ATRNL1: variants seen among roughly 807,000 people sequenced by gnomAD.
ATRNL1 encodes attractin-like protein 1.
ATRNL1 carries 95 observed loss-of-function variants against 182.7 expected under a neutral mutation model. The observed-to-expected ratio is 0.52, with a 90% CI of 0.44 to 0.62. The LOEUF (loss-of-function observed/expected upper bound fraction) is 0.62, where lower values mean the gene tolerates loss of function less well. ATRNL1 is among the 20% of genes least tolerant of loss of function. The pLI, the probability that ATRNL1 is intolerant of heterozygous loss-of-function variation, is 0.00. For synonymous variants in ATRNL1, 576 were observed against 568.3 expected (o/e 1.01, Z -0.19); for missense variants, 1,471 against 1,679.5 (o/e 0.88, Z 2.17).
At chr10:115,177,149 G>A (rs1373058268) in intron 8 of ATRNL1, among the ~76,000 whole-genome samples, 1 of 152,112 alleles carries the variant, frequency 6.6e-6, no homozygotes, top group Non-Finnish European at 1.5e-5. Context: ...AGTAATCAAC[G>A]GAGCCACATT....
intron 26 of ATRNL1, among the ~76,000 whole-genome samples, chr10:115,643,577 G>A (rs553284450): frequency 6.6e-6 from 1 of 152,032 alleles, no homozygotes; most frequent in African/African-American, 2.4e-5. Flanking sequence ...AATATATAAA[G>A]GATTCTCAAA....
At chr10:115,228,353 T>C (rs1849782386) in intron 9 of ATRNL1, among the ~76,000 whole-genome samples, 1 of 152,194 alleles carries the variant, frequency 6.6e-6, no homozygotes. Context: ...ATGTTTTTGG[T>C]ATATTTTGCT....
At chr10:115,266,478 G>A (rs1474186769) in intron 11 of ATRNL1, among the ~76,000 whole-genome samples, 2 of 151,320 alleles carry the variant, frequency 1.3e-5, no homozygotes, top group African/African-American at 4.8e-5. Flanking sequence ...AAGGAATATT[G>A]TATATAATCA....
intron 17 of ATRNL1, among the ~76,000 whole-genome samples, chr10:115,308,625 A>C (rs532934468): frequency 6.6e-5 from 10 of 152,294 alleles, no homozygotes; most frequent in African/African-American, 2.4e-4. Context: ...AAAGCCAAAA[A>C]TAAATAAACA....
chr10:115,821,736 A>G (rs111807398), intron 27 of ATRNL1, among the ~76,000 whole-genome samples: 23,846 of 152,242 alleles, frequency 0.16, 2,130 homozygotes, highest in Non-Finnish European at 0.2. Context: ...AGAGCTAACT[A>G]TCCTAAATAT....
At chr10:115,943,646 C>G (rs1020663010) in intron 28 of ATRNL1, among the ~76,000 whole-genome samples, 1 of 150,224 alleles carries the variant, frequency 6.7e-6, no homozygotes, top group Non-Finnish European at 1.5e-5. Flanking sequence ...AAAACATAAG[C>G]TTACCATATT....
At chr10:115,630,730 A>G (rs1171875013) in intron 26 of ATRNL1, among the ~76,000 whole-genome samples, 1 of 147,416 alleles carries the variant, frequency 6.8e-6, no homozygotes, top group African/African-American at 2.5e-5. Context: ...TTTAATAGAT[A>G]TCATATATCT....
At chr10:115,205,058 T>A (rs1334230883) in intron 8 of ATRNL1, among the ~76,000 whole-genome samples, 1 of 152,082 alleles carries the variant, frequency 6.6e-6, no homozygotes, top group African/African-American at 2.4e-5. Context: ...CCTCACATTT[T>A]ATGTTTTTGG....
chr10:115,574,669 T>C (rs1237608173), intron 26 of ATRNL1, among the ~76,000 whole-genome samples: 2 of 152,228 alleles, frequency 1.3e-5, no homozygotes, highest in Non-Finnish European at 2.9e-5. Context: ...TGCTCCTTAG[T>C]TGATTTCTGC....
chr10:115,866,867 G>T (rs979174840), intron 28 of ATRNL1, among the ~76,000 whole-genome samples: 1 of 152,096 alleles, frequency 6.6e-6, no homozygotes, highest in African/African-American at 2.4e-5. Flanking sequence ...AGGCTTCACC[G>T]CTGCTGATGC....
At chr10:115,155,544 A>G (rs931417325) in intron 5 of ATRNL1, among the ~76,000 whole-genome samples, 1 of 152,188 alleles carries the variant, frequency 6.6e-6, no homozygotes, top group East Asian at 1.9e-4. Flanking sequence ...TTTCACAGCT[A>G]GTAAGTAGGA....
intron 27 of ATRNL1, among the ~76,000 whole-genome samples, chr10:115,843,934 C>A (rs1950869408): frequency 6.6e-6 from 1 of 152,066 alleles, no homozygotes; most frequent in South Asian, 2.1e-4. Context: ...ATTAGGTCTA[C>A]AACTTTATTT....
At position 115,727,255 on chromosome 10, in the gene ATRNL1, T is replaced by G. The variant is rs1947627703; in HGVS notation, c.3803T>G (p.Leu1268Arg). ...CWASRRREQLLRERQQMASRP... is the reference protein window; with the variant it reads ...CWASRRREQLRRERQQMASRP... Reference sequence around the variant, plus strand: ...ATTTTTAACCCCCTCCAGCAACTGCTTCGAGAACGACAGCAGATGGCCAGC... The same window carrying G: ...ATTTTTAACCCCCTCCAGCAACTGCGTCGAGAACGACAGCAGATGGCCAGC... Residue 1268 changes from leucine (L) to arginine (R), a missense_variant, in exon 27 of 29, where the codon CTT becomes CGT. Physicochemically the swap from Leu to Arg is moderately radical, Grantham distance 102 (BLOSUM62 -2). Coordinates refer to ENST00000355044, the MANE Select transcript of ATRNL1 (RefSeq NM_207303.4). 1.2e-6 allele frequency: 2 copies of G among 1,613,788 alleles called. No homozygotes were observed. Among genetic ancestry groups the G allele is most frequent in the Non-Finnish European group, 8.5e-7 (1 of 1,179,792 alleles).
intron 26 of ATRNL1, among the ~76,000 whole-genome samples, chr10:115,709,302 C>T (rs531117675): frequency 4.6e-4 from 70 of 151,982 alleles, no homozygotes; most frequent in African/African-American, 1.6e-3. Context: ...GTTGGCATGT[C>T]ACACATTCAG....
chr10:115,100,230 C>G (rs1554864250), intron 1 of ATRNL1, among the ~76,000 whole-genome samples: 1 of 152,012 alleles, frequency 6.6e-6, no homozygotes, highest in African/African-American at 2.4e-5. Context: ...GAATTGGAGG[C>G]TGCAGTGAGC....
intron 1 of ATRNL1, 139 bp downstream of exon 1, chr10:115,094,182 G>C (rs2084952573): frequency 3.2e-6 from 3 of 933,776 alleles, no homozygotes. Flanking sequence ...CGCGCGGCGG[G>C]AGCGGGCGAG....
At position 115,478,932 on chromosome 10, in the gene ATRNL1, T is replaced by C. The variant is rs577756251; in HGVS notation, c.3654+9603T>C. Among the ~76,000 whole-genome samples, 7 of 151,820 alleles carry C rather than the reference T, an allele frequency of 4.6e-5. No homozygotes were observed. The South Asian group carries it at 1.4e-3, about 31-fold the overall frequency. Reference sequence around the variant, plus strand: ...CTGTAAACCCATTAGATTTTAATTTTACTTTTATTAATTTATTCTGTAAAA... The same window carrying C: ...CTGTAAACCCATTAGATTTTAATTTCACTTTTATTAATTTATTCTGTAAAA... On this transcript the variant is annotated intron_variant, in intron 24 of 28. Transcript: ENST00000355044.
chr10:115,434,269 A>G (rs1554964466), intron 21 of ATRNL1, among the ~76,000 whole-genome samples: 1 of 152,168 alleles, frequency 6.6e-6, no homozygotes, highest in Non-Finnish European at 1.5e-5. Context: ...AAGAACAACC[A>G]CCTGACTTTA....
At chr10:115,878,442 T>TAC (rs140521057) in intron 28 of ATRNL1, among the ~76,000 whole-genome samples, 6 of 152,136 alleles carry the variant, frequency 3.9e-5, no homozygotes, top group East Asian at 1.9e-4. Context: ...CTTACCTGTC[T>TAC]ACACACACAC....
Sources: allele counts gnomAD v4.1 joint callset (sites outside exome capture counted in the v4.1 genomes callset), GRCh38; gene constraint gnomAD v4.1.1; transcripts MANE v1.5; gene names NCBI Gene and HGNC (gene_info 2026-07-23, HGNC 2026-07-21).